Variants in RORA observed in about 807,000 individuals in gnomAD.
RORA encodes the protein nuclear receptor ROR-alpha.
A neutral mutation model predicts 69.5 loss-of-function variants in RORA; 7 were observed. The observed-to-expected ratio is 0.10, with a 90% confidence interval of 0.06 to 0.19. RORA has a LOEUF of 0.19. Among genes scored for constraint, RORA ranks in the 10% least tolerant of loss-of-function variants. The probability of loss-of-function intolerance (pLI) is 1.00; values close to 1 mark genes in which losing one functional copy is unlikely to be tolerated. For synonymous variants in RORA, 261 were observed against 240.8 expected (o/e 1.08, Z -0.78); for missense variants, 457 against 663.0 (o/e 0.69, Z 3.41).
intron 1 of RORA, among the ~76,000 whole-genome samples, chr15:61,045,870 A>C (rs1896993551): frequency 6.6e-6 from 1 of 152,226 alleles, no homozygotes; most frequent in South Asian, 2.1e-4. Flanking sequence ...TTCCCCCTTA[A>C]ATCAGAAGCA....
intron 2 of RORA, among the ~76,000 whole-genome samples, chr15:60,670,391 G>T (rs2070448441): frequency 1.3e-5 from 2 of 151,926 alleles, no homozygotes; most frequent in South Asian, 4.2e-4. Flanking sequence ...TGTATTTTTA[G>T]TTAAGATGGG....
intron 1 of RORA, among the ~76,000 whole-genome samples, chr15:60,766,169 T>A (rs2071986082): frequency 6.6e-6 from 1 of 152,150 alleles, no homozygotes; most frequent in African/African-American, 2.4e-5. Flanking sequence ...AAAATAGTTC[T>A]GCTCTGTGAA....
intron 1 of RORA, among the ~76,000 whole-genome samples, chr15:61,038,390 A>G (rs1896571800): frequency 6.6e-6 from 1 of 152,178 alleles, no homozygotes; most frequent in Admixed American, 6.5e-5. Flanking sequence ...TGCATCCACA[A>G]ACACTTGCTA....
chr15:61,079,553 T>C (rs868245814), intron 1 of RORA, among the ~76,000 whole-genome samples: 1 of 152,216 alleles, frequency 6.6e-6, no homozygotes, highest in South Asian at 2.1e-4. Context: ...TCCTACTGAT[T>C]TACCTACTCA....
At chr15:60,903,785 C>A (rs928989784) in intron 1 of RORA, among the ~76,000 whole-genome samples, 2 of 152,178 alleles carry the variant, frequency 1.3e-5, no homozygotes, top group Non-Finnish European at 2.9e-5. Context: ...TCGGTCTCTA[C>A]AAGTTCACAT....
intron 1 of RORA, among the ~76,000 whole-genome samples, chr15:61,060,096 G>A (rs1042218731): frequency 5.9e-5 from 9 of 152,116 alleles, no homozygotes; most frequent in African/African-American, 2.2e-4. Flanking sequence ...CCATGGAGGT[G>A]GAGGGGTTTC....
rs547997268 is a variant in RORA at position 61,189,417 on chromosome 15, G to C, written c.166+39636C>G. ...TTTTTGAGAGGATCTTCTCCAGCCT[G>C]TCTATCTGGTTTCCCACCTCCTAGC... is the stretch of plus-strand genomic sequence containing the variant. On this transcript the variant is annotated intron_variant, in intron 1 of 10. Coordinates refer to ENST00000335670, the MANE Select transcript of RORA (RefSeq NM_134261.3). Among the ~76,000 whole-genome samples, 186 of 152,256 alleles carry C rather than the reference G, an allele frequency of 1.2e-3. 2 individuals carry two copies. Among genetic ancestry groups the C allele is most frequent in the Non-Finnish European group, 1.6e-4 (11 of 68,022 alleles).
intron 2 of RORA, among the ~76,000 whole-genome samples, chr15:60,535,075 G>T (rs2066635833): frequency 6.6e-6 from 1 of 152,028 alleles, no homozygotes; most frequent in Admixed American, 6.6e-5. Context: ...CAGGTAGTGT[G>T]GTGTCTTCTC....
At chr15:60,629,841 A>T (rs2069693360) in intron 2 of RORA, among the ~76,000 whole-genome samples, 1 of 152,206 alleles carries the variant, frequency 6.6e-6, no homozygotes, top group African/African-American at 2.4e-5. Flanking sequence ...AGGTCAAGGG[A>T]GGGGCAAGGG....
chr15:60,657,193 A>G (rs1432581757), intron 2 of RORA, among the ~76,000 whole-genome samples: 1 of 152,030 alleles, frequency 6.6e-6, no homozygotes, highest in Non-Finnish European at 1.5e-5. Context: ...CCCCTGGGTG[A>G]GCTCCAAAGC....
At chr15:61,085,489 C>G (rs1000480163) in intron 1 of RORA, among the ~76,000 whole-genome samples, 25 of 152,362 alleles carry the variant, frequency 1.6e-4, no homozygotes, top group African/African-American at 6.0e-4. Context: ...CTTGTTATAA[C>G]AGACTCGTGG....
intron 1 of RORA, among the ~76,000 whole-genome samples, chr15:60,726,102 C>A (rs1173947862): frequency 6.6e-6 from 1 of 151,998 alleles, no homozygotes; most frequent in Non-Finnish European, 1.5e-5. Context: ...CCCCTTCTAC[C>A]CATAATTAAG....
chr15:61,151,407 A>C (rs2079396901), intron 1 of RORA, among the ~76,000 whole-genome samples: 1 of 152,228 alleles, frequency 6.6e-6, no homozygotes. Flanking sequence ...TTTGTTCTTC[A>C]GTACCTTCTC....
intron 2 of RORA, among the ~76,000 whole-genome samples, chr15:60,603,999 A>G (rs371844756): frequency 2.5e-4 from 38 of 152,068 alleles, no homozygotes; most frequent in African/African-American, 9.2e-4. Flanking sequence ...TTAGCCGGGC[A>G]TGGTGGTGCG....
chr15:61,144,168 T>C (rs946335620), intron 1 of RORA, among the ~76,000 whole-genome samples: 10 of 152,170 alleles, frequency 6.6e-5, no homozygotes, highest in African/African-American at 2.2e-4. Flanking sequence ...TGCAGGTTTA[T>C]TGGGGAGTAT....
chr15:60,978,134 AT>A (rs1192767411), intron 1 of RORA, among the ~76,000 whole-genome samples: 1 of 10,084 alleles, frequency 9.9e-5, no homozygotes, highest in Non-Finnish European at 3.1e-4. Flanking sequence ...TATTTTCTTC[AT>A]CATCATCATC....
At chr15:60,883,155 A>AGG (rs2073709443) in intron 1 of RORA, among the ~76,000 whole-genome samples, 2 of 87,092 alleles carry the variant, frequency 2.3e-5, no homozygotes, top group African/African-American at 4.5e-5. Context: ...AAAAAAAGAA[A>AGG]GAGAGAGAGA....
At chr15:60,954,234 T>C (rs1028010095) in intron 1 of RORA, among the ~76,000 whole-genome samples, 1 of 135,854 alleles carries the variant, frequency 7.4e-6, no homozygotes, top group African/African-American at 2.8e-5. Flanking sequence ...TAGGTGGGAA[T>C]TGAACAATGA....
At chr15:60,934,279 A>G (rs996499568) in intron 1 of RORA, among the ~76,000 whole-genome samples, 2 of 152,268 alleles carry the variant, frequency 1.3e-5, no homozygotes, top group African/African-American at 4.8e-5. Flanking sequence ...ATGGGGGAGC[A>G]GAAAGGAAGA....
Sources: allele counts gnomAD v4.1 joint callset (sites outside exome capture counted in the v4.1 genomes callset), GRCh38; gene constraint gnomAD v4.1.1; transcripts MANE v1.5; gene names NCBI Gene and HGNC (gene_info 2026-07-23, HGNC 2026-07-21).